The following BAALC variants were observed in gnomAD, a reference collection of about 807,000 sequenced individuals.
BAALC encodes brain and acute leukemia cytoplasmic protein.
In BAALC, 9 loss-of-function variants were observed where a neutral mutation model predicts 15.5. That is an observed-to-expected ratio of 0.58 (90% CI 0.35 to 1.02). BAALC has a LOEUF of 1.02. Among genes scored for constraint, BAALC ranks in the 50% least tolerant of loss-of-function variants. BAALC has a pLI of 0.02. For synonymous variants in BAALC, 80 were observed against 74.6 expected (o/e 1.07, Z -0.37); for missense variants, 201 against 192.4 (o/e 1.04, Z -0.27).
chr8:103,205,776 T>C (rs1812313515), intron 1 of BAALC, among the ~76,000 whole-genome samples: 1 of 152,200 alleles, frequency 6.6e-6, no homozygotes, highest in Admixed American at 6.5e-5. Context: ...AACTGCCTAC[T>C]TGGGAGTTTT....
At chr8:103,213,157 C>A (rs1052462959) in intron 2 of BAALC, 72 bp downstream of exon 2, 10 of 1,507,476 alleles carry the variant, frequency 6.6e-6, no homozygotes, top group Non-Finnish European at 8.1e-6. Context: ...GCAGAGCCAC[C>A]CAGCCGCTAT....
rs187083936 is a variant in BAALC at position 103,167,361 on chromosome 8, A to G, written c.160+26304A>G. Among the ~76,000 whole-genome samples the G allele has an allele frequency of 8.9e-4, 135 of 152,272 alleles. 6 individuals carry two copies. The South Asian group carries it at 0.027, about 31-fold the overall frequency. On this transcript the variant is annotated intron_variant, in intron 1 of 2. Transcript: ENST00000309982. The stretch of plus-strand genomic sequence containing the variant: ...TAGAGCAGCGCTGTCCAGAGACTCA[A>G]TGTTCTTTGCATTGTCCAATACAGC...
chr8:103,202,695 C>G (rs1227964033), intron 1 of BAALC: 1 of 152,174 alleles, frequency 6.6e-6, no homozygotes, highest in Non-Finnish European at 1.5e-5. Flanking sequence ...ATATTGCATA[C>G]CTTAGAATAG....
chr8:103,181,307 C>CT (rs1365009912), intron 1 of BAALC, among the ~76,000 whole-genome samples: 5 of 152,186 alleles, frequency 3.3e-5, no homozygotes, highest in African/African-American at 7.2e-5. Context: ...GAGTCTCGCT[C>CT]TGTCGCCCAG....
intron 1 of BAALC, among the ~76,000 whole-genome samples, chr8:103,182,612 T>A (rs1306064072): frequency 1.3e-5 from 2 of 152,232 alleles, no homozygotes; most frequent in African/African-American, 4.8e-5. Flanking sequence ...TGTGAAGTCC[T>A]GATAGTAGAG....
At chr8:103,142,312 A>G (rs903765182) in intron 1 of BAALC, among the ~76,000 whole-genome samples, 5 of 152,236 alleles carry the variant, frequency 3.3e-5, no homozygotes, top group African/African-American at 9.6e-5. Flanking sequence ...TTATTTTAAA[A>G]TTGAGGACTG....
At chr8:103,195,851 G>A (rs952493398) in intron 1 of BAALC, among the ~76,000 whole-genome samples, 12 of 152,170 alleles carry the variant, frequency 7.9e-5, no homozygotes, top group African/African-American at 2.9e-4. Flanking sequence ...AGCAACCCAG[G>A]CATGGAGCTC....
chr8:103,216,982 A>T (rs1432089476), intron 2 of BAALC, among the ~76,000 whole-genome samples: 5 of 152,126 alleles, frequency 3.3e-5, no homozygotes, highest in African/African-American at 4.8e-5. Flanking sequence ...TTGGGAGCTC[A>T]TGGGGCTTTA....
At chr8:103,190,970 G>A (rs1200425292) in intron 1 of BAALC, 1 of 152,174 alleles carries the variant, frequency 6.6e-6, no homozygotes, top group Admixed American at 6.6e-5. Context: ...CTGAGGCGGG[G>A]GGACTGCCTG....
Position 103,229,008 on chromosome 8 carries a change from G to C in BAALC, c.*909G>C, listed in dbSNP as rs1471663166. The C allele has an allele frequency of 6.6e-6, 1 of 152,552 alleles. No individual in the cohort carries two copies. Among genetic ancestry groups the C allele is most frequent in the African/African-American group, 2.4e-5 (1 of 41,568 alleles). 9.4% of individuals were successfully genotyped at this position (152,552 alleles called of 1,614,324 possible). A position where few individuals can be genotyped will look rare whatever the true frequency, so the allele number is the denominator to read the frequency against. On this transcript the variant is annotated 3_prime_UTR_variant, in exon 3 of 3. Coordinates refer to ENST00000309982, the MANE Select transcript of BAALC (RefSeq NM_024812.3). ...GAGGGAGATGATCCAGAGACATGTG[G>C]CAGCAGGCATGGCTTCCCCTTGGCC...
intron 1 of BAALC, among the ~76,000 whole-genome samples, chr8:103,203,135 C>T (rs573811806): frequency 5.9e-5 from 9 of 152,338 alleles, no homozygotes; most frequent in Admixed American, 4.6e-4. Context: ...GCTCCTGCCT[C>T]ACATGCTGCT....
intron 1 of BAALC, among the ~76,000 whole-genome samples, chr8:103,154,287 G>C (rs1381129224): frequency 1.3e-5 from 2 of 152,100 alleles, no homozygotes; most frequent in African/African-American, 4.8e-5. Context: ...TGTGAGCAGT[G>C]GGGTGGGGTT....
chr8:103,210,789 C>T (rs1384121913), intron 1 of BAALC, among the ~76,000 whole-genome samples: 1 of 152,000 alleles, frequency 6.6e-6, no homozygotes, highest in Non-Finnish European at 1.5e-5. Context: ...AGATGAAAAC[C>T]AGAAAAGAAA....
At position 103,218,176 on chromosome 8, in the gene BAALC, C is replaced by T. The variant is rs553068884; in HGVS notation, c.327+5091C>T. ...TCCACTTCATGTCCCATCAAACAAA[C>T]CATATCTTCCTTTTTGTCAATTCCC... On this transcript the variant is annotated intron_variant, in intron 2 of 2. Coordinates refer to ENST00000309982, the MANE Select transcript of BAALC (RefSeq NM_024812.3). 6.6e-5 allele frequency among the ~76,000 whole-genome samples: 10 copies of T among 152,278 alleles called. No homozygotes were observed. In the South Asian group the frequency reaches 1.5e-3, roughly 22 times the overall value.
intron 2 of BAALC, among the ~76,000 whole-genome samples, chr8:103,222,075 T>G (rs1381880073): frequency 1.3e-5 from 2 of 152,212 alleles, no homozygotes; most frequent in African/African-American, 2.4e-5. Context: ...AAACATTTTC[T>G]GGTTGAGTTT....
intron 1 of BAALC, chr8:103,141,543 T>C (rs929222517): frequency 2.6e-5 from 4 of 154,814 alleles, no homozygotes; most frequent in African/African-American, 9.6e-5. Context: ...TGGGATCGCC[T>C]GGGTGGAGTC....
intron 1 of BAALC, among the ~76,000 whole-genome samples, chr8:103,201,995 A>G (rs1242276833): frequency 1.3e-5 from 2 of 152,220 alleles, no homozygotes; most frequent in Admixed American, 6.5e-5. Flanking sequence ...ATGTCTATGC[A>G]CTGAAGTTTT....
chr8:103,197,744 G>A (rs569706892), intron 1 of BAALC, among the ~76,000 whole-genome samples: 165 of 152,260 alleles, frequency 1.1e-3, no homozygotes, highest in Non-Finnish European at 1.2e-3. Context: ...GGCAAGAGCG[G>A]GAGAAAGAGT....
chr8:103,222,497 G>A (rs895889406), intron 2 of BAALC, among the ~76,000 whole-genome samples: 2 of 152,054 alleles, frequency 1.3e-5, no homozygotes, highest in African/African-American at 2.4e-5. Context: ...GACTCCCCAG[G>A]CCCCTTAGAT....
Sources: gnomAD v4.1 joint callset for allele counts (sites outside exome capture counted in the v4.1 genomes callset) on GRCh38, gnomAD v4.1.1 for gene constraint, MANE v1.5 for transcripts, NCBI Gene and HGNC (gene_info 2026-07-23, HGNC 2026-07-21) for gene names.